ABTB3: variants seen among roughly 807,000 people sequenced by gnomAD.
The protein encoded by ABTB3 is ankyrin repeat and BTB domain containing 3.
the ABTB3 span, among the ~76,000 whole-genome samples, chr12:107,365,586 G>C: frequency 6.6e-6 from 1 of 152,100 alleles, no homozygotes; most frequent in Non-Finnish European, 1.5e-5. Flanking sequence ...TACCAATGTG[G>C]GTATGTAGGG....
At chr12:107,473,565 G>A in the ABTB3 span, among the ~76,000 whole-genome samples, 1 of 152,060 alleles carries the variant, frequency 6.6e-6, no homozygotes, top group Admixed American at 6.6e-5. Context: ...TGTGGGCCAG[G>A]CTGGTCTCAA....
the ABTB3 span, among the ~76,000 whole-genome samples, chr12:107,578,294 G>A: frequency 6.6e-6 from 1 of 151,012 alleles, no homozygotes; most frequent in Non-Finnish European, 1.5e-5. Context: ...CTGGAATCCT[G>A]AGGTTCAAGG....
the ABTB3 span, chr12:107,581,308 G>C: frequency 7.5e-7 from 1 of 1,336,154 alleles, no homozygotes; most frequent in Non-Finnish European, 9.5e-7. Context: ...AGCTCAGGTA[G>C]GCGCGGGGGC....
At chr12:107,528,046 A>G in the ABTB3 span, among the ~76,000 whole-genome samples, 1 of 152,182 alleles carries the variant, frequency 6.6e-6, no homozygotes, top group Non-Finnish European at 1.5e-5. Context: ...GTAGCTGGCC[A>G]TGGATGGAAG....
the ABTB3 span, among the ~76,000 whole-genome samples, chr12:107,435,358 C>G: frequency 6.6e-6 from 1 of 152,214 alleles, no homozygotes; most frequent in Admixed American, 6.5e-5. Context: ...ACTGAGAACA[C>G]CTTTTACTCA....
At chr12:107,330,138 G>A in the ABTB3 span, among the ~76,000 whole-genome samples, 2 of 152,296 alleles carry the variant, frequency 1.3e-5, no homozygotes, top group Admixed American at 1.3e-4. Flanking sequence ...AGAGCATGGG[G>A]GGAAGGTAGA....
the ABTB3 span, among the ~76,000 whole-genome samples, chr12:107,458,948 C>G: frequency 2.0e-5 from 3 of 152,338 alleles, no homozygotes; most frequent in East Asian, 1.9e-4. Context: ...CCTTGAAACT[C>G]TAAGGCCTTT....
the ABTB3 span, among the ~76,000 whole-genome samples, chr12:107,380,374 A>G: frequency 6.6e-5 from 10 of 152,170 alleles, no homozygotes; most frequent in African/African-American, 2.4e-4. Flanking sequence ...GTAAAAATCA[A>G]TAAAAAGCCA....
chr12:107,550,834 C>T, the ABTB3 span, among the ~76,000 whole-genome samples: 22 of 152,190 alleles, frequency 1.4e-4, no homozygotes, highest in Non-Finnish European at 2.5e-4. Flanking sequence ...CCGCCTGTCT[C>T]GGCCTCCCAA....
the ABTB3 span, among the ~76,000 whole-genome samples, chr12:107,499,690 C>CTT: frequency 0.062 from 8,818 of 143,330 alleles, 305 homozygotes; most frequent in Non-Finnish European, 0.067. Context: ...TTTTTCTTTT[C>CTT]TTTTTTTTTT....
chr12:107,482,667 T>C, the ABTB3 span, among the ~76,000 whole-genome samples: 1 of 152,050 alleles, frequency 6.6e-6, no homozygotes, highest in African/African-American at 2.4e-5. Context: ...TGGCGGCCTC[T>C]CCTGACATGC....
At chr12:107,641,787 GCCACGTGACAGGC>G in the ABTB3 span, among the ~76,000 whole-genome samples, 1 of 152,214 alleles carries the variant, frequency 6.6e-6, no homozygotes, top group African/African-American at 2.4e-5. Flanking sequence ...GAAGGTGGCG[GCCACGTGACAGGC>G]CCTGAAAGAT....
At chr12:107,518,483 C>T in the ABTB3 span, among the ~76,000 whole-genome samples, 1 of 151,850 alleles carries the variant, frequency 6.6e-6, no homozygotes, top group African/African-American at 2.4e-5. Context: ...AACCATCATT[C>T]TCAGAAAACT....
At chr12:107,496,071 G>A in the ABTB3 span, among the ~76,000 whole-genome samples, 14 of 152,176 alleles carry the variant, frequency 9.2e-5, no homozygotes, top group Non-Finnish European at 1.3e-4. Flanking sequence ...CATTTGTGCC[G>A]TACTAATACC....
chr12:107,604,155 T>C, the ABTB3 span, among the ~76,000 whole-genome samples: 3 of 140,282 alleles, frequency 2.1e-5, no homozygotes, highest in Non-Finnish European at 3.1e-5. Flanking sequence ...GGCGACAGAG[T>C]GAGACTCCAT....
chr12:107,610,048 G>A, the ABTB3 span: 1 of 918,648 alleles, frequency 1.1e-6, no homozygotes. Flanking sequence ...GACATCCGGA[G>A]GCCATCATTT....
the ABTB3 span, among the ~76,000 whole-genome samples, chr12:107,591,625 A>G: frequency 6.6e-6 from 1 of 152,234 alleles, no homozygotes; most frequent in Non-Finnish European, 1.5e-5. Context: ...ACACATATCC[A>G]GACCACATCA....
the ABTB3 span, among the ~76,000 whole-genome samples, chr12:107,375,228 G>A: frequency 6.6e-6 from 1 of 152,120 alleles, no homozygotes; most frequent in African/African-American, 2.4e-5. Flanking sequence ...ACCAGCCTGG[G>A]CAACATGGCG....
chr12:107,373,940 C>T, the ABTB3 span, among the ~76,000 whole-genome samples: 2 of 152,248 alleles, frequency 1.3e-5, no homozygotes, highest in Non-Finnish European at 2.9e-5. Context: ...TCTGCGCAGA[C>T]AGCTCGGGAC....
Sources: gnomAD v4.1 joint callset for allele counts (sites outside exome capture counted in the v4.1 genomes callset) on GRCh38, gnomAD v4.1.1 for gene constraint, MANE v1.5 for transcripts, NCBI Gene and HGNC (gene_info 2026-07-23, HGNC 2026-07-21) for gene names.